GLB1L2: variants seen among roughly 807,000 people sequenced by gnomAD.
GLB1L2 encodes the protein beta-galactosidase-1-like protein 2.
In GLB1L2, 68 loss-of-function variants were observed where a neutral mutation model predicts 84.1. The ratio of observed to expected loss-of-function variants is 0.81; its 90% CI spans 0.67 to 0.99. GLB1L2 has a LOEUF of 0.99. Among genes scored for constraint, GLB1L2 ranks in the 50% least tolerant of loss-of-function variants. The probability of loss-of-function intolerance (pLI) is 0.00; values close to 1 mark genes in which losing one functional copy is unlikely to be tolerated. For missense variants in GLB1L2, 762 were observed against 805.6 expected, an observed-to-expected ratio of 0.95 and a Z score of 0.66; for synonymous variants, 290 against 318.0, an observed-to-expected ratio of 0.91 and a Z score of 0.94.
chr11:134,370,341 A>C lies in GLB1L2; in HGVS notation c.1157A>C (p.Glu386Ala). The C allele has an allele frequency of 6.2e-7, 1 of 1,612,690 alleles. No individual in the cohort carries two copies. Among genetic ancestry groups the C allele is most frequent in the Admixed American group, 1.7e-5 (1 of 59,844 alleles). ...PPDLLPKMPYEPLTPVLYLSL... is the reference protein window; with the variant it reads ...PPDLLPKMPYAPLTPVLYLSL... ...GACCTTCTTCCCAAGATGCCGTATG[A>C]GCCCTTAACGCCAGTCTTGTACCTG... The change falls in exon 12 of 19, where the codon GAG becomes GCG. Residue 386 changes from glutamate to alanine, a missense_variant. Glu to Ala is a moderately radical substitution (Grantham distance 107). Around this residue, in one of 3 missense-constraint regions of GLB1L2, gnomAD observed 603 missense variants for 611.7 expected, o/e 0.99. Transcript: ENST00000535456. This position sits in a 1 kb window ranked among gnomAD's most constrained non-coding sequence, Gnocchi z 4.7.
At chr11:134,352,730 G>A (rs868664588) in intron 5 of GLB1L2, among the ~76,000 whole-genome samples, 14 of 149,452 alleles carry the variant, frequency 9.4e-5, no homozygotes, top group South Asian at 2.1e-4. Context: ...TCACTACAAC[G>A]TCCGCCTCCC....
chr11:134,345,198 CTGTGTTCCAGTTCCCATTCTGTACTGAAT>C (rs763207847), intron 4 of GLB1L2, 69 bp downstream of exon 4: 192 of 1,296,050 alleles, frequency 1.5e-4, no homozygotes, highest in East Asian at 3.8e-4. Flanking sequence ...TGGTTTGTTT[CTGTGTTCCAGTTCCCATTCTGTACTGAAT>C]TGTGTTCCAG....
At chr11:134,369,234 C>T (rs938550661) in intron 10 of GLB1L2, among the ~76,000 whole-genome samples, 1 of 152,166 alleles carries the variant, frequency 6.6e-6, no homozygotes, top group Non-Finnish European at 1.5e-5. Context: ...ACTCTGACAC[C>T]CAGGCTGGAG....
chr11:134,348,855 C>G (rs910286947), intron 5 of GLB1L2, among the ~76,000 whole-genome samples: 3 of 152,198 alleles, frequency 2.0e-5, no homozygotes, highest in Non-Finnish European at 4.4e-5. Context: ...CGGCCATCTT[C>G]TTGATGCAAC....
Position 134,374,228 on chromosome 11 carries a change from C to T in GLB1L2, c.1679C>T (p.Thr560Ile). ...TTGGGTAGCTTGTCCATCAGCTCCACCCCTTGTGACACCTTTCTGAAGCTG... is the reference window on the plus strand; with the variant it reads ...TTGGGTAGCTTGTCCATCAGCTCCATCCCTTGTGACACCTTTCTGAAGCTG... ...FFLGSLSISS[T>I]PCDTFLKLEG... is the part of the protein sequence containing the mutation. Residue 560 changes from threonine (T) to isoleucine (I), a missense_variant, in exon 17 of 19, where the codon ACC becomes ATC. Physicochemically the swap from Thr to Ile is moderately conservative, Grantham distance 89 (BLOSUM62 -1). Around this residue, in one of 3 missense-constraint regions of GLB1L2, gnomAD observed 603 missense variants for 611.7 expected, o/e 0.99. Coordinates refer to ENST00000535456, the MANE Select transcript of GLB1L2 (RefSeq NM_001370461.1). The T allele has an allele frequency of 1.3e-5, 21 of 1,613,054 alleles. No individual in the cohort carries two copies. The highest frequency in any genetic ancestry group is 1.5e-5 in the Non-Finnish European group (18 of 1,178,990).
At chr11:134,351,737 G>A (rs1565437234) in intron 5 of GLB1L2, among the ~76,000 whole-genome samples, 1 of 152,150 alleles carries the variant, frequency 6.6e-6, no homozygotes, top group South Asian at 2.1e-4. Flanking sequence ...ATATGCTGCT[G>A]AATTAAGTTG....
chr11:134,354,578 C>T (rs1651245561), intron 5 of GLB1L2, among the ~76,000 whole-genome samples: 1 of 151,608 alleles, frequency 6.6e-6, no homozygotes, highest in African/African-American at 2.4e-5. Context: ...ACTCTCTTAG[C>T]TTTACTTTGG....
At chr11:134,341,884 T>A (rs891204581) in intron 1 of GLB1L2, among the ~76,000 whole-genome samples, 6 of 137,646 alleles carry the variant, frequency 4.4e-5, no homozygotes, top group Non-Finnish European at 9.4e-5. Flanking sequence ...CACCGCCTGC[T>A]AGTGTCAGGG....
intron 17 of GLB1L2, 94 bp from the exon 18 acceptor site, chr11:134,374,508 G>A: frequency 9.9e-7 from 1 of 1,005,116 alleles, no homozygotes; most frequent in Non-Finnish European, 1.6e-6. Flanking sequence ...GCTCGCTTTG[G>A]TCTCCTGGAC....
chr11:134,370,984 C>T lies in GLB1L2; in HGVS notation c.1216-24C>T, dbSNP rs1218239496. ...ACCCCACTCCTCCTGAGCCTGCCCA[C>T]CCCTCCATCTCTTCTGTACGCAGCC... is the stretch of plus-strand genomic sequence containing the variant. On this transcript the variant is annotated intron_variant, in intron 12 of 18. Transcript: ENST00000535456. The surrounding 1 kb of genome is among the most constrained non-coding windows in gnomAD (Gnocchi z 4.7). The T allele has an allele frequency of 3.7e-6, 6 of 1,613,186 alleles. No individual in the cohort carries two copies. In the African/African-American group the frequency reaches 5.3e-5, roughly 14 times the overall value.
In GLB1L2 at chr11:134,370,858, G is replaced by C. The variant is rs1360944682; in HGVS notation, c.1216-150G>C. 1 of 861,230 alleles carries C rather than the reference G, an allele frequency of 1.2e-6. No homozygotes were observed. The highest frequency in any genetic ancestry group is 1.8e-6 in the Non-Finnish European group (1 of 544,098). The allele number at this position is 861,230 out of a possible 1,614,324, so 53.3% of individuals were successfully genotyped here. ...CCCACTCCTCTTCCCCGTCACCCTG[G>C]AGAGTTGTATGTTTAGTGCAATGAG... is the stretch of plus-strand genomic sequence containing the variant. On this transcript the variant is annotated intron_variant, in intron 12 of 18. Coordinates refer to ENST00000535456, the MANE Select transcript of GLB1L2 (RefSeq NM_001370461.1). The surrounding 1 kb of genome is among the most constrained non-coding windows in gnomAD (Gnocchi z 4.7).
At chr11:134,367,197 A>G in intron 8 of GLB1L2, 60 bp from the exon 9 acceptor site, 2 of 1,373,910 alleles carry the variant, frequency 1.5e-6, no homozygotes, top group Non-Finnish European at 2.1e-6. Context: ...CTCCATGAAG[A>G]GCTTCCCTCT....
chr11:134,371,149 G>GCCCCCGGAT lies in GLB1L2; in HGVS notation c.1356+1_1356+2insCCCCCGGAT. The GCCCCCGGAT allele has an allele frequency of 1.2e-6, 2 of 1,614,132 alleles. No individual in the cohort carries two copies. Among genetic ancestry groups the GCCCCCGGAT allele is most frequent in the Non-Finnish European group, 1.7e-6 (2 of 1,180,000 alleles). On this transcript the variant is annotated splice_donor_variant, in intron 13 of 18. Transcript: ENST00000535456. LOFTEE classifies it high-confidence loss of function. ...TGGCCACGTGCATGATCGGGGGCAG[G>GCCCCCGGAT]TAGGAGCTTCTCTTCTAAATTCCTG...
At chr11:134,335,225 G>A (rs1591607848) in intron 1 of GLB1L2, among the ~76,000 whole-genome samples, 1 of 91,116 alleles carries the variant, frequency 1.1e-5, no homozygotes, top group Middle Eastern at 5.2e-3. Flanking sequence ...AGCAATGCAG[G>A]TCACTTTTTT....
chr11:134,343,687 G>T (rs918970313), intron 2 of GLB1L2, among the ~76,000 whole-genome samples: 1 of 152,156 alleles, frequency 6.6e-6, no homozygotes, highest in Non-Finnish European at 1.5e-5. Context: ...CAACTTCCCC[G>T]AAAGGACTCC....
chr11:134,359,137 G>A lies in GLB1L2; in HGVS notation c.729G>A (p.Gln243=). The A allele has an allele frequency of 6.3e-7, 1 of 1,599,310 alleles. No homozygotes were observed. The highest frequency in any genetic ancestry group is 8.5e-7 in the Non-Finnish European group (1 of 1,172,732). ...ATGGGCTGAGCAAGGGGATTGTCCA[G>A]GGAGGTAACTGCACTTGTGTTGGGC... ...NKDGLSKGIV[Q]GVLATINLQS... Residue 243 remains glutamine, a synonymous_variant, in exon 7 of 19, where the codon CAG becomes CAA. Coordinates refer to ENST00000535456, the MANE Select transcript of GLB1L2 (RefSeq NM_001370461.1).
At chr11:134,368,358 C>A (rs1013152008) in intron 9 of GLB1L2, among the ~76,000 whole-genome samples, 1 of 152,170 alleles carries the variant, frequency 6.6e-6, no homozygotes, top group Non-Finnish European at 1.5e-5. Context: ...GGCTGGAAGG[C>A]CCTGGCCGAC....
intron 4 of GLB1L2, 22 bp from the exon 5 acceptor site, chr11:134,347,303 T>C (rs151238686): frequency 2.6e-4 from 417 of 1,580,920 alleles, no homozygotes; most frequent in Middle Eastern, 2.3e-3. Flanking sequence ...ACATCCTTCC[T>C]TTCCCCCGTT....
intron 1 of GLB1L2, among the ~76,000 whole-genome samples, chr11:134,335,129 CT>C (rs1359731264): frequency 3.3e-5 from 5 of 152,058 alleles, no homozygotes; most frequent in Non-Finnish European, 7.4e-5. Flanking sequence ...CTGCTGTTTT[CT>C]TTATTCCAGA....
Sources: allele counts gnomAD v4.1 joint callset (sites outside exome capture counted in the v4.1 genomes callset), GRCh38; gene constraint gnomAD v4.1.1; regional missense constraint gnomAD v4.1.1; non-coding constraint Gnocchi (gnomAD v3.1); transcripts MANE v1.5; gene names NCBI Gene and HGNC (gene_info 2026-07-23, HGNC 2026-07-21).